RSPH14: variants seen among roughly 807,000 people sequenced by gnomAD.
RSPH14 encodes radial spoke head 14 homolog.
RSPH14 carries 20 observed loss-of-function variants against 26.7 expected under a neutral mutation model. The ratio of observed to expected loss-of-function variants is 0.75; its 90% CI spans 0.53 to 1.09. The LOEUF (loss-of-function observed/expected upper bound fraction) is 1.09, where lower values mean the gene tolerates loss of function less well. Ranked by LOEUF, RSPH14 falls within the 50% of genes least tolerant of loss-of-function variation. The pLI, the probability that RSPH14 is intolerant of heterozygous loss-of-function variation, is 0.00. For missense variants in RSPH14, 449 were observed against 457.2 expected, an observed-to-expected ratio of 0.98 and a Z score of 0.16; for synonymous variants, 177 against 189.3, an observed-to-expected ratio of 0.93 and a Z score of 0.53.
rs1601793391 is a variant in RSPH14 at position 23,096,188 on chromosome 22, G to A, written c.422-32055C>T. On this transcript the variant is annotated intron_variant, in intron 4 of 6. Coordinates refer to ENST00000216036, the MANE Select transcript of RSPH14 (RefSeq NM_014433.3). ...CCTGAACGACCTGGAGCGCATCGCCGCAGCTGACTATATCCCCACTGTCGA... is the reference window on the plus strand; with the variant it reads ...CCTGAACGACCTGGAGCGCATCGCCACAGCTGACTATATCCCCACTGTCGA... 10 of 1,613,200 alleles carry A rather than the reference G, an allele frequency of 6.2e-6. No individual in the cohort carries two copies. Among genetic ancestry groups the A allele is most frequent in the African/African-American group, 5.3e-5 (4 of 74,938 alleles).
upstream of RSPH14, among the ~76,000 whole-genome samples, chr22:23,142,703 T>C (rs751046222): frequency 1.3e-5 from 2 of 152,216 alleles, no homozygotes; most frequent in Non-Finnish European, 2.9e-5. Flanking sequence ...CCCTTGCTCT[T>C]CAGGCTGACC....
chr22:23,096,526 G>C, intron 4 of RSPH14: 1 of 1,194,368 alleles, frequency 8.4e-7, no homozygotes, highest in Non-Finnish European at 1.2e-6. Flanking sequence ...AGGGAACCAG[G>C]CGCAGGCCTG....
At chr22:23,062,835 C>T (rs1050608117) in intron 5 of RSPH14, among the ~76,000 whole-genome samples, 5 of 152,192 alleles carry the variant, frequency 3.3e-5, no homozygotes, top group Admixed American at 1.3e-4. Flanking sequence ...AGGGATTCCC[C>T]GATTTGTTCA....
At chr22:23,154,817 G>A in the RSPH14 span, among the ~76,000 whole-genome samples, 1 of 152,156 alleles carries the variant, frequency 6.6e-6, no homozygotes, top group Admixed American at 6.5e-5. Context: ...GTGTCATACT[G>A]GATCACTTGA....
intron 4 of RSPH14, among the ~76,000 whole-genome samples, chr22:23,113,156 C>T (rs2069703955): frequency 1.3e-5 from 2 of 152,224 alleles, no homozygotes; most frequent in African/African-American, 4.8e-5. Flanking sequence ...CCTGCTGTGG[C>T]TGCAACTCCC....
intron 6 of RSPH14, among the ~76,000 whole-genome samples, chr22:23,060,445 G>A (rs1235152488): frequency 6.6e-6 from 1 of 151,826 alleles, no homozygotes; most frequent in East Asian, 1.9e-4. Flanking sequence ...ACTCCAGCCT[G>A]GGCGACAGAG....
intron 4 of RSPH14, chr22:23,070,238 G>C (rs934839049): frequency 6.7e-6 from 1 of 150,018 alleles, no homozygotes; most frequent in Non-Finnish European, 1.5e-5. Flanking sequence ...CCGGCGCGTG[G>C]TGCCCGGCGG....
chr22:23,164,621 G>T, the RSPH14 span, among the ~76,000 whole-genome samples: 19 of 152,284 alleles, frequency 1.2e-4, no homozygotes, highest in Middle Eastern at 6.8e-3. Context: ...CTTTCTGTTG[G>T]TCTGGTCTTG....
At chr22:23,158,057 C>G in the RSPH14 span, 1 of 1,613,998 alleles carries the variant, frequency 6.2e-7, no homozygotes, top group Non-Finnish European at 8.5e-7. Context: ...AGTCTGGGCT[C>G]TCTGGCCCCT....
At position 23,059,501 on chromosome 22, in the gene RSPH14, T is replaced by C. The variant is rs1371161185; in HGVS notation, c.1008A>G (p.Ala336=). The C allele has an allele frequency of 6.2e-7, 1 of 1,613,886 alleles. No individual in the cohort carries two copies. The highest frequency in any genetic ancestry group is 8.5e-7 in the Non-Finnish European group (1 of 1,179,780). The change falls in exon 7 of 7, where the codon GCA becomes GCG. Residue 336 remains alanine, a synonymous_variant. Transcript: ENST00000216036. Reference sequence around the variant, plus strand: ...CGATGACACTGATGGCGATCCGGGCTGCCCGCTGTAAGGCTTCGGCCACTT... The same window carrying C: ...CGATGACACTGATGGCGATCCGGGCCGCCCGCTGTAAGGCTTCGGCCACTT... ...KPQVAEALQR[A]ARIAISVIEF...
chr22:23,167,711 AT>A, the RSPH14 span, among the ~76,000 whole-genome samples: 240 of 145,736 alleles, frequency 1.6e-3, 2 homozygotes, highest in Middle Eastern at 0.024. Flanking sequence ...TAATTAATTT[AT>A]TTTTTTTTTT....
chr22:23,077,031 G>C (rs1220994270), intron 4 of RSPH14, among the ~76,000 whole-genome samples: 1 of 152,218 alleles, frequency 6.6e-6, no homozygotes, highest in Non-Finnish European at 1.5e-5. Flanking sequence ...TCCAAAGCAT[G>C]CTGTGCTGAA....
chr22:23,080,536 G>A (rs943823522), intron 4 of RSPH14, among the ~76,000 whole-genome samples: 1 of 152,238 alleles, frequency 6.6e-6, no homozygotes, highest in African/African-American at 2.4e-5. Flanking sequence ...GCTTTGAGGA[G>A]GCAAAGAAAG....
chr22:23,159,909 A>G, the RSPH14 span, among the ~76,000 whole-genome samples: 1 of 152,232 alleles, frequency 6.6e-6, no homozygotes, highest in South Asian at 2.1e-4. Flanking sequence ...GATGCCATCC[A>G]TCTCCCTTTT....
chr22:23,153,010 G>C, the RSPH14 span: 1 of 1,573,034 alleles, frequency 6.4e-7, no homozygotes, highest in African/African-American at 1.4e-5. Context: ...ACACCCCTGT[G>C]ACGACTTCCT....
chr22:23,152,184 C>T, the RSPH14 span, among the ~76,000 whole-genome samples: 5 of 152,222 alleles, frequency 3.3e-5, no homozygotes, highest in African/African-American at 9.6e-5. Context: ...ACCTGTGACT[C>T]GGCCTCTTGT....
At chr22:23,145,364 C>T (rs768183529), upstream of RSPH14, 13 of 1,605,344 alleles carry the variant, frequency 8.1e-6, no homozygotes, top group Non-Finnish European at 1.1e-5. Flanking sequence ...GTTCTCGTTG[C>T]TATGGTGATC....
chr22:23,166,221 A>G, the RSPH14 span, among the ~76,000 whole-genome samples: 1 of 149,362 alleles, frequency 6.7e-6, no homozygotes, highest in African/African-American at 2.5e-5. Context: ...GTGCTTATCA[A>G]GCCTCTGTTT....
At chr22:23,170,231 A>G in the RSPH14 span, among the ~76,000 whole-genome samples, 1 of 152,186 alleles carries the variant, frequency 6.6e-6, no homozygotes, top group Non-Finnish European at 1.5e-5. Context: ...AAGCAGACTC[A>G]AACAAGTACA....
Sources: allele counts gnomAD v4.1 joint callset (sites outside exome capture counted in the v4.1 genomes callset), GRCh38; gene constraint gnomAD v4.1.1; transcripts MANE v1.5; gene names NCBI Gene and HGNC (gene_info 2026-07-23, HGNC 2026-07-21).